ZNF697: variants seen among roughly 807,000 people sequenced by gnomAD.
ZNF697 encodes the protein zinc finger protein 697.
Under a neutral mutation model 32.4 loss-of-function variants are expected in ZNF697, and 23 were observed. The ratio of observed to expected loss-of-function variants is 0.71; its 90% CI spans 0.51 to 1.01. The LOEUF is 1.01. Among genes scored for constraint, ZNF697 ranks in the 50% least tolerant of loss-of-function variants. The pLI is 0.00. For synonymous variants in ZNF697, 418 were observed against 337.2 expected (o/e 1.24, Z -2.62); for missense variants, 930 against 794.0 (o/e 1.17, Z -2.06).
chr1:119,631,587 C>T (rs961616909), intron 1 of ZNF697, among the ~76,000 whole-genome samples: 1 of 12,996 alleles, frequency 7.7e-5, no homozygotes, highest in Non-Finnish European at 1.4e-4. Flanking sequence ...TCCCAGCCCC[C>T]GCTTGGGCCC....
intron 1 of ZNF697, among the ~76,000 whole-genome samples, chr1:119,641,795 C>T (rs942847445): frequency 6.6e-6 from 1 of 152,180 alleles, no homozygotes; most frequent in African/African-American, 2.4e-5. Context: ...TCTTCTGCTG[C>T]CATGTGAAGA....
Position 119,623,611 on chromosome 1 carries a change from C to A in ZNF697, c.732G>T (p.Gly244=). The A allele has an allele frequency of 7.0e-7, 1 of 1,436,646 alleles. No homozygotes were observed. Among genetic ancestry groups the A allele is most frequent in the East Asian group, 2.8e-5 (1 of 36,338 alleles). The allele number at this position is 1,436,646 out of a possible 1,614,324, so 89.0% of individuals were successfully genotyped here. The change falls in exon 3 of 3, where the codon GGG becomes GGT. Residue 244 remains glycine, a synonymous_variant. Coordinates refer to ENST00000421812, the MANE Select transcript of ZNF697 (RefSeq NM_001080470.2). The part of the protein sequence containing the change: ...MVGMMGVGVA[G]GFGAGPPLAR... Reference sequence around the variant, plus strand: ...CCAGCGGGGGCCCGGCCCCGAAGCCCCCCGCCACACCCACCCCCATCATGC... The same window carrying A: ...CCAGCGGGGGCCCGGCCCCGAAGCCACCCGCCACACCCACCCCCATCATGC...
intron 1 of ZNF697, among the ~76,000 whole-genome samples, chr1:119,642,150 A>T (rs1649093469): frequency 6.6e-6 from 1 of 152,262 alleles, no homozygotes; most frequent in African/African-American, 2.4e-5. Context: ...TTCCAACCAT[A>T]TGACAATCTG....
In ZNF697 at chr1:119,623,182, G is replaced by C. The variant is rs1228784036; in HGVS notation, c.1161C>G (p.Gly387=). ...GEKPHGCGEC[G]KRFSWRSDLV... Reference sequence around the variant, plus strand: ...AGTCCGAGCGCCAGCTGAAGCGCTTGCCGCACTCGCCACAGCCGTGCGGCT... The same window carrying C: ...AGTCCGAGCGCCAGCTGAAGCGCTTCCCGCACTCGCCACAGCCGTGCGGCT... The change falls in exon 3 of 3, where the codon GGC becomes GGG. Residue 387 remains glycine, a synonymous_variant. Coordinates refer to ENST00000421812, the MANE Select transcript of ZNF697 (RefSeq NM_001080470.2). The C allele has an allele frequency of 6.4e-7, 1 of 1,563,106 alleles. No individual in the cohort carries two copies. The highest frequency in any genetic ancestry group is 1.4e-5 in the African/African-American group (1 of 73,328).
chr1:119,645,937 A>G (rs977721537), intron 1 of ZNF697, among the ~76,000 whole-genome samples: 1 of 152,136 alleles, frequency 6.6e-6, no homozygotes, highest in Non-Finnish European at 1.5e-5. Flanking sequence ...CTTACAACCA[A>G]CCTTTACCCT....
chr1:119,623,934 C>G lies in ZNF697; in HGVS notation c.409G>C (p.Ala137Pro). The change falls in exon 3 of 3, where the codon GCC becomes CCC. Residue 137 changes from alanine to proline, a missense_variant. Ala to Pro is a conservative substitution (Grantham distance 27). Coordinates refer to ENST00000421812, the MANE Select transcript of ZNF697 (RefSeq NM_001080470.2). ...NRLEEEEEQPAPPVLPWRRHL... is the reference protein window; with the variant it reads ...NRLEEEEEQPPPPVLPWRRHL... ...CGCCTCCAGGGAAGTACGGGAGGGG[C>G]CGGCTGCTCCTCTTCCTCCTCCAGC... The G allele has an allele frequency of 6.3e-7, 1 of 1,589,194 alleles. No homozygotes were observed. The highest frequency in any genetic ancestry group is 8.6e-7 in the Non-Finnish European group (1 of 1,167,948).
chr1:119,624,627 C>T (rs1354966971), intron 2 of ZNF697, among the ~76,000 whole-genome samples: 1 of 152,210 alleles, frequency 6.6e-6, no homozygotes, highest in Non-Finnish European at 1.5e-5. Context: ...CAGAGTCTTG[C>T]TCTGTCGTCC....
chr1:119,639,922 T>C (rs1649022406), intron 1 of ZNF697, among the ~76,000 whole-genome samples: 1 of 152,188 alleles, frequency 6.6e-6, no homozygotes. Context: ...AGTCTAGCTG[T>C]TAGCCTTAAG....
At chr1:119,627,218 G>A (rs947067402) in intron 1 of ZNF697, among the ~76,000 whole-genome samples, 2 of 152,198 alleles carry the variant, frequency 1.3e-5, no homozygotes, top group South Asian at 4.1e-4. Flanking sequence ...CAAGAACATG[G>A]CTGAGCAAGA....
At chr1:119,629,028 G>T (rs899762790) in intron 1 of ZNF697, among the ~76,000 whole-genome samples, 1 of 152,100 alleles carries the variant, frequency 6.6e-6, no homozygotes, top group African/African-American at 2.4e-5. Flanking sequence ...GATAGGAAAC[G>T]GGCACAGAAG....
chr1:119,631,296 C>T (rs1023680474), intron 1 of ZNF697, among the ~76,000 whole-genome samples: 12 of 152,252 alleles, frequency 7.9e-5, no homozygotes, highest in Non-Finnish European at 1.8e-4. Flanking sequence ...AAGCACCTTC[C>T]TATGCACTGC....
intron 1 of ZNF697, among the ~76,000 whole-genome samples, chr1:119,644,513 T>C (rs1649153895): frequency 6.6e-6 from 1 of 152,226 alleles, no homozygotes; most frequent in African/African-American, 2.4e-5. Context: ...AAGCAAATTC[T>C]GAACAGGCTT....
At chr1:119,627,813 A>G (rs1648640098) in intron 1 of ZNF697, among the ~76,000 whole-genome samples, 1 of 152,096 alleles carries the variant, frequency 6.6e-6, no homozygotes, top group African/African-American at 2.4e-5. Context: ...ACATTTGGAG[A>G]TTTCTTGTCT....
intron 1 of ZNF697, among the ~76,000 whole-genome samples, chr1:119,633,059 C>T (rs1256048855): frequency 6.6e-6 from 1 of 152,172 alleles, no homozygotes; most frequent in Non-Finnish European, 1.5e-5. Flanking sequence ...GCAGCTGGCT[C>T]AAATGTTCCA....
At chr1:119,642,396 A>G (rs1380872928) in intron 1 of ZNF697, among the ~76,000 whole-genome samples, 3 of 152,242 alleles carry the variant, frequency 2.0e-5, no homozygotes, top group Admixed American at 1.3e-4. Context: ...ATATAGGTTC[A>G]TAAGTTGTAC....
chr1:119,622,733 G>C lies in ZNF697; in HGVS notation c.1610C>G (p.Ala537Gly). The C allele has an allele frequency of 2.6e-6, 4 of 1,556,884 alleles. No individual in the cohort carries two copies. The highest frequency in any genetic ancestry group is 2.6e-6 in the Non-Finnish European group (3 of 1,150,154). The change falls in exon 3 of 3, where the codon GCG (alanine) becomes GGG (glycine). Residue 537 changes from alanine (A) to glycine (G), a missense_variant. Coordinates refer to ENST00000421812, the MANE Select transcript of ZNF697 (RefSeq NM_001080470.2). ...GKGFRYKTHL[A>G]QHQKLHLC Reference sequence around the variant, plus strand: ...ACACAGGTGCAGCTTCTGGTGCTGCGCGAGGTGCGTTTTATAGCGGAAGCC... The same window carrying C: ...ACACAGGTGCAGCTTCTGGTGCTGCCCGAGGTGCGTTTTATAGCGGAAGCC...
At chr1:119,634,337 GT>G (rs1250155707) in intron 1 of ZNF697, among the ~76,000 whole-genome samples, 1 of 152,184 alleles carries the variant, frequency 6.6e-6, no homozygotes, top group South Asian at 2.1e-4. Context: ...CAAAATAACT[GT>G]TTGGTGTTGT....
chr1:119,645,952 C>T (rs587634470), intron 1 of ZNF697, among the ~76,000 whole-genome samples: 23 of 152,260 alleles, frequency 1.5e-4, no homozygotes, highest in Non-Finnish European at 1.5e-4. Context: ...TACCCTTTCT[C>T]CTTCCCTTCA....
intron 1 of ZNF697, among the ~76,000 whole-genome samples, chr1:119,634,122 G>A (rs1306014391): frequency 6.6e-6 from 1 of 152,184 alleles, no homozygotes; most frequent in African/African-American, 2.4e-5. Flanking sequence ...GATGGGGCCA[G>A]GTGACCTCAG....
Sources: allele counts gnomAD v4.1 joint callset (sites outside exome capture counted in the v4.1 genomes callset), GRCh38; gene constraint gnomAD v4.1.1; transcripts MANE v1.5; gene names NCBI Gene and HGNC (gene_info 2026-07-23, HGNC 2026-07-21).